KCND2: variants seen among roughly 807,000 people sequenced by gnomAD.
The protein encoded by KCND2 is potassium voltage-gated channel subfamily D member 2.
KCND2 carries 16 observed loss-of-function variants against 54.4 expected under a neutral mutation model. That is an observed-to-expected ratio of 0.29 (90% CI 0.20 to 0.45). The LOEUF (loss-of-function observed/expected upper bound fraction) is 0.45, where lower values mean the gene tolerates loss of function less well. Among genes scored for constraint, KCND2 ranks in the 20% least tolerant of loss-of-function variants. The pLI is 1.00. For missense variants in KCND2, 486 were observed against 824.2 expected (o/e 0.59, Z 5.02); for synonymous variants, 317 against 310.7 (o/e 1.02, Z -0.21).
At chr7:120,665,890 T>A (rs767751873) in intron 1 of KCND2, among the ~76,000 whole-genome samples, 1 of 152,070 alleles carries the variant, frequency 6.6e-6, no homozygotes, top group Non-Finnish European at 1.5e-5. Flanking sequence ...GATGCTCCAT[T>A]AGTAATTAGA....
rs869059871 is a variant in KCND2, at chr7:120,712,241, ATTTTTTTTTTTTTTTTTTTTTTTT to A, written c.1116-20645_1116-20622del. On this transcript the variant is annotated intron_variant, in intron 1 of 5. Coordinates refer to ENST00000331113, the MANE Select transcript of KCND2 (RefSeq NM_012281.3). ...TTTTCTTTGAATTTTGGATATCTGA[ATTTTTTTTTTTTTTTTTTTTTTTT>A]TTTTTTTTTTTTTTTTGAGATGGGG... Among the ~76,000 whole-genome samples the A allele has an allele frequency of 3.7e-4, 13 of 34,762 alleles. No homozygotes were observed. The South Asian group carries it at 3.9e-3, about 11-fold the overall frequency. 22.8% of individuals were successfully genotyped at this position (34,762 alleles called of 152,430 possible).
chr7:120,416,092 C>G (rs905242877), intron 1 of KCND2, among the ~76,000 whole-genome samples: 1 of 152,154 alleles, frequency 6.6e-6, no homozygotes, highest in Non-Finnish European at 1.5e-5. Flanking sequence ...GCCAACATTG[C>G]TTCAATAGTA....
At chr7:120,343,149 G>A (rs1800266569) in intron 1 of KCND2, among the ~76,000 whole-genome samples, 2 of 152,170 alleles carry the variant, frequency 1.3e-5, no homozygotes, top group Middle Eastern at 3.4e-3. Flanking sequence ...ACTGTTTTTG[G>A]CCACATGTTG....
intron 1 of KCND2, among the ~76,000 whole-genome samples, chr7:120,474,115 C>A (rs1802499834): frequency 6.6e-6 from 1 of 152,166 alleles, no homozygotes; most frequent in African/African-American, 2.4e-5. Flanking sequence ...TCAGCCCCAG[C>A]TTATGTGGAG....
rs578104695 is a variant in KCND2, at chr7:120,480,114, A to G, written c.1115+204367A>G. ...TTATTTTCAACAGTTTTTTTATGGT[A>G]TAGATATAAAAAAGATGGTGAAAAT... On this transcript the variant is annotated intron_variant, in intron 1 of 5. Coordinates refer to ENST00000331113, the MANE Select transcript of KCND2 (RefSeq NM_012281.3). Among the ~76,000 whole-genome samples, 12 of 152,062 alleles carry G rather than the reference A, an allele frequency of 7.9e-5. No homozygotes were observed. The East Asian group carries it at 2.1e-3, about 27-fold the overall frequency.
chr7:120,449,625 C>G (rs1025073777), intron 1 of KCND2, among the ~76,000 whole-genome samples: 22 of 152,150 alleles, frequency 1.4e-4, no homozygotes, highest in African/African-American at 4.6e-4. Context: ...GATGTGAAGA[C>G]TTAGATTTAT....
chr7:120,327,020 AT>A (rs34134278), intron 1 of KCND2, among the ~76,000 whole-genome samples: 1 of 152,030 alleles, frequency 6.6e-6, no homozygotes, highest in African/African-American at 2.4e-5. Context: ...GAAAAATGCC[AT>A]TTTTTTAGAT....
intron 1 of KCND2, among the ~76,000 whole-genome samples, chr7:120,592,030 T>C (rs1032440187): frequency 1.3e-5 from 2 of 152,190 alleles, no homozygotes; most frequent in East Asian, 1.9e-4. Context: ...AAAGCTTTAA[T>C]GTAAATATTG....
At chr7:120,464,686 C>T (rs879919340) in intron 1 of KCND2, among the ~76,000 whole-genome samples, 3 of 152,176 alleles carry the variant, frequency 2.0e-5, no homozygotes, top group Non-Finnish European at 4.4e-5. Flanking sequence ...CTTATATGCT[C>T]ATTCAAGCTA....
intron 1 of KCND2, among the ~76,000 whole-genome samples, chr7:120,520,625 G>C (rs1284153832): frequency 6.6e-6 from 1 of 151,992 alleles, no homozygotes; most frequent in African/African-American, 2.4e-5. Flanking sequence ...AGAGGCAAAT[G>C]GATACACCTG....
At chr7:120,392,631 G>A (rs1354821843) in intron 1 of KCND2, among the ~76,000 whole-genome samples, 3 of 151,770 alleles carry the variant, frequency 2.0e-5, no homozygotes, top group African/African-American at 7.3e-5. Flanking sequence ...TTATGTAAAA[G>A]TACGTTTTTC....
intron 1 of KCND2, among the ~76,000 whole-genome samples, chr7:120,447,061 A>T (rs1802027701): frequency 6.6e-6 from 1 of 152,202 alleles, no homozygotes; most frequent in Admixed American, 6.5e-5. Context: ...CTCATTTTAT[A>T]TATGAGGAAA....
intron 1 of KCND2, among the ~76,000 whole-genome samples, chr7:120,542,931 C>A (rs1791996711): frequency 6.6e-6 from 1 of 152,062 alleles, no homozygotes; most frequent in Non-Finnish European, 1.5e-5. Flanking sequence ...TTAACTGGAT[C>A]ATTTGACCCA....
intron 1 of KCND2, among the ~76,000 whole-genome samples, chr7:120,587,591 A>T (rs1021166848): frequency 6.6e-6 from 1 of 152,178 alleles, no homozygotes; most frequent in Non-Finnish European, 1.5e-5. Flanking sequence ...AAAAAAATCA[A>T]ATGTATCAGA....
intron 1 of KCND2, among the ~76,000 whole-genome samples, chr7:120,455,493 A>G (rs1188952063): frequency 6.6e-6 from 1 of 152,148 alleles, no homozygotes; most frequent in Non-Finnish European, 1.5e-5. Flanking sequence ...TATATACCCA[A>G]AGGAATTTAA....
intron 1 of KCND2, among the ~76,000 whole-genome samples, chr7:120,573,723 G>C (rs12112895): frequency 4.7e-4 from 72 of 152,140 alleles, no homozygotes; most frequent in African/African-American, 1.4e-3. Flanking sequence ...AAGGGTGAAT[G>C]TCTTTATCAG....
intron 1 of KCND2, among the ~76,000 whole-genome samples, chr7:120,308,706 G>A (rs1799684560): frequency 6.6e-6 from 1 of 152,064 alleles, no homozygotes; most frequent in Non-Finnish European, 1.5e-5. Flanking sequence ...AATAAGTGTG[G>A]GACAGGAGAA....
In KCND2 at chr7:120,639,846, G is replaced by A. The variant is rs147277445; in HGVS notation, c.1116-93057G>A. Among the ~76,000 whole-genome samples the A allele has an allele frequency of 2.5e-3, 377 of 152,136 alleles. 1 individual carries two copies. Among genetic ancestry groups the A allele is most frequent in the African/African-American group, 8.3e-3 (344 of 41,506 alleles). On this transcript the variant is annotated intron_variant, in intron 1 of 5. Coordinates refer to ENST00000331113, the MANE Select transcript of KCND2 (RefSeq NM_012281.3). ...ACACAAAAGGATTTTTCTATTTTCCGTGGGTAGAATTTGTACCAAAGCCTT... is the reference window on the plus strand; with the variant it reads ...ACACAAAAGGATTTTTCTATTTTCCATGGGTAGAATTTGTACCAAAGCCTT...
Position 120,275,600 on chromosome 7 carries a change from A to T in KCND2, c.968A>T (p.Glu323Val), listed in dbSNP as rs1469574834. The T allele has an allele frequency of 6.2e-7, 1 of 1,612,896 alleles. No homozygotes were observed. The highest frequency in any genetic ancestry group is 1.1e-5 in the South Asian group (1 of 91,050). The part of the protein sequence containing the change: ...LGYTLKSCAS[E>V]LGFLLFSLTM... The stretch of plus-strand genomic sequence containing the variant: ...TACACACTGAAGAGTTGTGCCTCAG[A>T]ATTGGGCTTCTTGCTTTTCTCGCTC... The change falls in exon 1 of 6, where the codon GAA (glutamate) becomes GTA (valine). Residue 323 changes from glutamate to valine, a missense_variant. Physicochemically the swap from Glu to Val is moderately radical, Grantham distance 121. This residue lies in a region of KCND2 where 12 missense variants were observed against 67.0 expected (regional missense o/e 0.18). Transcript: ENST00000331113.
Sources: gnomAD v4.1 joint callset for allele counts (sites outside exome capture counted in the v4.1 genomes callset) on GRCh38, gnomAD v4.1.1 for gene constraint, gnomAD v4.1.1 regional missense constraint, MANE v1.5 for transcripts, NCBI Gene and HGNC (gene_info 2026-07-23, HGNC 2026-07-21) for gene names.